Variants in TMEM9 observed in about 807,000 individuals in gnomAD.
The protein encoded by TMEM9 is proton-transporting V-type ATPase complex assembly regulator TMEM9.
In TMEM9, 13 loss-of-function variants were observed where a neutral mutation model predicts 22.8. That is an observed-to-expected ratio of 0.57 (90% CI 0.37 to 0.91). The LOEUF is 0.91. Among genes scored for constraint, TMEM9 ranks in the 40% least tolerant of loss-of-function variants. The probability of loss-of-function intolerance (pLI) is 0.01; values close to 1 mark genes in which losing one functional copy is unlikely to be tolerated. For missense variants in TMEM9, 182 were observed against 238.1 expected (o/e 0.76, Z 1.55); for synonymous variants, 88 against 93.0 (o/e 0.95, Z 0.31).
chr1:201,156,679 T>C (rs567792644), upstream of TMEM9, among the ~76,000 whole-genome samples: 1 of 152,306 alleles, frequency 6.6e-6, no homozygotes, highest in Admixed American at 6.5e-5. Flanking sequence ...TCCCAAATAG[T>C]CCTACCTGAC....
rs544254005 is a variant in TMEM9 at position 201,154,461 on chromosome 1, G to A, written c.-538C>T. On this transcript the variant is annotated 5_prime_UTR_variant, in exon 1 of 5. Transcript: ENST00000367330. ...TCCACGAACCTACAAGCCCGCTGCA[G>A]CCGCAAAAGACCCAGTTGTCCCCGC... The A allele has an allele frequency of 1.3e-5, 2 of 155,852 alleles. No homozygotes were observed. Among genetic ancestry groups the A allele is most frequent in the African/African-American group, 2.4e-5 (1 of 41,420 alleles). 9.7% of individuals were successfully genotyped at this position (155,852 alleles called of 1,614,324 possible).
chr1:201,167,478 C>A (rs1045889071), intron 1 of TMEM9, among the ~76,000 whole-genome samples: 11 of 152,174 alleles, frequency 7.2e-5, no homozygotes, highest in Non-Finnish European at 1.0e-4. Flanking sequence ...ATGGAAAAAA[C>A]CTGAAAAAGC....
At chr1:201,170,895 G>T (rs1385005162) in intron 1 of TMEM9, among the ~76,000 whole-genome samples, 1 of 152,242 alleles carries the variant, frequency 6.6e-6, no homozygotes, top group African/African-American at 2.4e-5. Context: ...TCCACTCCGG[G>T]TCCAGGCCGC....
Position 201,134,998 on chromosome 1 carries a change from A to T in TMEM9, c.*665T>A, listed in dbSNP as rs543995170. Reference sequence around the variant, plus strand: ...ACACTGGGGAGAGGAGGGACTGCCCAGACCCCTCAAGTGCAGGTGAGGGGA... The same window carrying T: ...ACACTGGGGAGAGGAGGGACTGCCCTGACCCCTCAAGTGCAGGTGAGGGGA... On this transcript the variant is annotated 3_prime_UTR_variant, in exon 5 of 5. Transcript: ENST00000367330. 50 of 152,890 alleles carry T rather than the reference A, an allele frequency of 3.3e-4. No individual in the cohort carries two copies. Among genetic ancestry groups the T allele is most frequent in the African/African-American group, 1.2e-3 (50 of 41,592 alleles). 9.5% of individuals were successfully genotyped at this position (152,890 alleles called of 1,614,324 possible). A position where few individuals can be genotyped will look rare whatever the true frequency, so the allele number is the denominator to read the frequency against.
intron 1 of TMEM9, among the ~76,000 whole-genome samples, chr1:201,165,150 TTATATATA>T (rs57281429): frequency 0.3 from 26,301 of 86,920 alleles, 3,059 homozygotes; most frequent in Non-Finnish European, 0.39. Flanking sequence ...TAAGAGAAAA[TTATATATA>T]TATATATATA....
intron 1 of TMEM9, among the ~76,000 whole-genome samples, chr1:201,160,621 ATTTTTTT>A (rs151096062): frequency 3.2e-4 from 48 of 148,122 alleles, no homozygotes; most frequent in Non-Finnish European, 4.0e-4. Flanking sequence ...TACTGGGGAA[ATTTTTTT>A]TTTTTTTTTA....
intron 1 of TMEM9, among the ~76,000 whole-genome samples, chr1:201,166,616 G>T (rs111661678): frequency 0.011 from 1,647 of 152,238 alleles, 34 homozygotes; most frequent in African/African-American, 0.038. Context: ...GCCTGCGTTA[G>T]TCTCCCAAAG....
chr1:201,153,514 C>T (rs1216381229), intron 1 of TMEM9, among the ~76,000 whole-genome samples: 2 of 152,172 alleles, frequency 1.3e-5, no homozygotes, highest in Non-Finnish European at 2.9e-5. Context: ...CAAATACTCC[C>T]AAATCCAAAA....
At chr1:201,146,928 G>A in intron 2 of TMEM9, 80 bp from the exon 3 acceptor site, 11 of 1,372,460 alleles carry the variant, frequency 8.0e-6, no homozygotes, top group Non-Finnish European at 1.1e-5. Context: ...AGGTAGCCAG[G>A]GGAGCTGAGA....
At chr1:201,145,458 G>A (rs1166952530) in intron 3 of TMEM9, 1 of 152,240 alleles carries the variant, frequency 6.6e-6, no homozygotes, top group Non-Finnish European at 1.5e-5. Context: ...CTTTTTCCCT[G>A]AGTGGTGAGA....
At chr1:201,146,525 G>C (rs1020428887) in intron 3 of TMEM9, 1 of 655,790 alleles carries the variant, frequency 1.5e-6, no homozygotes, top group African/African-American at 1.8e-5. Flanking sequence ...CCCTCTCACT[G>C]TAATGGTAAC....
intron 1 of TMEM9, among the ~76,000 whole-genome samples, chr1:201,170,163 T>A (rs1303710373): frequency 6.6e-6 from 1 of 152,204 alleles, no homozygotes; most frequent in Non-Finnish European, 1.5e-5. Flanking sequence ...TGATGGATTT[T>A]TCCCTTATTC....
chr1:201,135,515 T>G lies in TMEM9; in HGVS notation c.*148A>C. The G allele has an allele frequency of 1.3e-6, 1 of 791,668 alleles. No homozygotes were observed. Among genetic ancestry groups the G allele is most frequent in the Non-Finnish European group, 1.9e-6 (1 of 525,868 alleles). 49.0% of individuals were successfully genotyped at this position (791,668 alleles called of 1,614,324 possible). A position where few individuals can be genotyped will look rare whatever the true frequency, so the allele number is the denominator to read the frequency against. ...AATCAAAATAGCCAAGTACAACATT[T>G]CTAAAGTTAGGGAGAAGGAGGAAAA... On this transcript the variant is annotated 3_prime_UTR_variant, in exon 5 of 5. Transcript: ENST00000367330.
At chr1:201,145,650 CTACAAACTGG>C (rs1664898231) in intron 3 of TMEM9, 1 of 152,192 alleles carries the variant, frequency 6.6e-6, no homozygotes, top group Admixed American at 6.5e-5. Flanking sequence ...CAGAAAAATG[CTACAAACTGG>C]AACAGAAAGG....
chr1:201,138,095 C>A (rs1664160069), intron 4 of TMEM9, among the ~76,000 whole-genome samples: 1 of 152,090 alleles, frequency 6.6e-6, no homozygotes, highest in South Asian at 2.1e-4. Context: ...CTTTCTGGGA[C>A]CATCTTTCTC....
intron 1 of TMEM9, chr1:201,153,653 C>T: frequency 2.6e-6 from 3 of 1,172,254 alleles, no homozygotes; most frequent in Non-Finnish European, 3.6e-6. Context: ...GTGCTCTGTG[C>T]CCCACCCTTC....
In TMEM9 at chr1:201,139,701, A is replaced by G. The variant is rs1664343719; in HGVS notation, c.400-3886T>C. Among the ~76,000 whole-genome samples, 2 of 152,196 alleles carry G rather than the reference A, an allele frequency of 1.3e-5. 1 individual carries two copies. The highest frequency in any genetic ancestry group is 4.1e-4 in the South Asian group (2 of 4,834). ...GCTTCCCTCCAGCAATCATGATGCT[A>G]CTTAAGTATTAACACCTGATTGAAA... is the stretch of plus-strand genomic sequence containing the variant. On this transcript the variant is annotated intron_variant, in intron 4 of 4. Coordinates refer to ENST00000367330, the MANE Select transcript of TMEM9 (RefSeq NM_001288565.2).
intron 4 of TMEM9, 113 bp from the exon 5 acceptor site, chr1:201,135,928 G>T: frequency 8.8e-7 from 1 of 1,136,102 alleles, no homozygotes; most frequent in Non-Finnish European, 1.2e-6. Flanking sequence ...TCCCCAGACT[G>T]GGAGGCTGGG....
intron 1 of TMEM9, among the ~76,000 whole-genome samples, chr1:201,160,141 G>T (rs140059150): frequency 3.0e-4 from 45 of 152,332 alleles, no homozygotes; most frequent in African/African-American, 1.1e-3. Flanking sequence ...TTATGGTAAG[G>T]CCCTGGGGCC....
Sources: allele counts gnomAD v4.1 joint callset (sites outside exome capture counted in the v4.1 genomes callset), GRCh38; gene constraint gnomAD v4.1.1; transcripts MANE v1.5; gene names NCBI Gene and HGNC (gene_info 2026-07-23, HGNC 2026-07-21).